MTHFSD: variants seen among roughly 807,000 people sequenced by gnomAD.
MTHFSD encodes the protein methenyltetrahydrofolate synthase domain-containing protein.
MTHFSD carries 37 observed loss-of-function variants against 31.1 expected under a neutral mutation model. The ratio of observed to expected loss-of-function variants is 1.19; its 90% CI spans 0.91 to 1.56. MTHFSD has a LOEUF of 1.56. MTHFSD is among the 40% of genes most tolerant of loss of function. MTHFSD has a pLI of 0.00. For missense variants in MTHFSD, 664 were observed against 510.1 expected (o/e 1.30, Z -2.91); for synonymous variants, 221 against 206.9 (o/e 1.07, Z -0.59).
At chr16:86,552,846 G>A (rs751796258) in intron 2 of MTHFSD, among the ~76,000 whole-genome samples, 1 of 152,318 alleles carries the variant, frequency 6.6e-6, no homozygotes, top group Middle Eastern at 3.4e-3. Flanking sequence ...TTGGGGAGAG[G>A]CAGTCCTGAC....
At chr16:86,535,932 C>T (rs1198720997) in intron 7 of MTHFSD, among the ~76,000 whole-genome samples, 1 of 152,174 alleles carries the variant, frequency 6.6e-6, no homozygotes, top group African/African-American at 2.4e-5. Context: ...CTCACTGCAG[C>T]CTTGAATACC....
intron 7 of MTHFSD, chr16:86,533,022 C>T (rs985477507): frequency 6.6e-6 from 1 of 152,266 alleles, no homozygotes; most frequent in Admixed American, 6.5e-5. Context: ...GGGGTCACCC[C>T]CTTCAATGCA....
rs370582414 is a variant in MTHFSD at position 86,532,313 on chromosome 16, C to T, written c.850G>A (p.Gly284Arg). The change falls in exon 8 of 8, where the codon GGA (glycine) becomes AGA (arginine). Residue 284 changes from glycine to arginine, a missense_variant. Physicochemically the swap from Gly to Arg is moderately radical, Grantham distance 125. Coordinates refer to ENST00000360900, the MANE Select transcript of MTHFSD (RefSeq NM_001159377.2). Reference sequence around the variant, plus strand: ...GCCTCCATGGAATTGGTTTCTGGTCCGGGTGTGTCCGGGGGCCTCCTGCCA... The same window carrying T: ...GCCTCCATGGAATTGGTTTCTGGTCTGGGTGTGTCCGGGGGCCTCCTGCCA... ...SVGRRPPDTP[G>R]PETNSMEAAP... 17 of 1,589,928 alleles carry T rather than the reference C, an allele frequency of 1.1e-5. No homozygotes were observed. In the African/African-American group the frequency reaches 1.8e-4, roughly 16 times the overall value.
chr16:86,541,756 T>C lies in MTHFSD; in HGVS notation c.622A>G (p.Thr208Ala), dbSNP rs781508487. The change falls in exon 7 of 8, where the codon ACC (threonine) becomes GCC (alanine). Residue 208 changes from threonine to alanine, a missense_variant. Thr to Ala is a moderately conservative substitution (Grantham distance 58). Coordinates refer to ENST00000360900, the MANE Select transcript of MTHFSD (RefSeq NM_001159377.2). The part of the protein sequence containing the change: ...DITVDYILTP[T>A]RVIATGCKRP... ...TTGCAGCCTGTGGCGATGACTCTGG[T>C]TGGAGTGAGGATGTAGTCCACAGTG... is the stretch of plus-strand genomic sequence containing the variant. The C allele has an allele frequency of 1.2e-6, 2 of 1,614,038 alleles. No individual in the cohort carries two copies. The highest frequency in any genetic ancestry group is 1.7e-6 in the Non-Finnish European group (2 of 1,180,044).
intron 5 of MTHFSD, among the ~76,000 whole-genome samples, chr16:86,544,439 C>T (rs531063260): frequency 3.3e-5 from 5 of 152,128 alleles, no homozygotes; most frequent in Non-Finnish European, 4.4e-5. Flanking sequence ...AGACACTCCT[C>T]GAAAGAAGAC....
chr16:86,548,359 T>G (rs1972634675), intron 4 of MTHFSD, 105 bp downstream of exon 4: 1 of 1,043,256 alleles, frequency 9.6e-7, no homozygotes, highest in Non-Finnish European at 1.5e-6. Context: ...TTTGGCTCTG[T>G]TAAAAATGAA....
At chr16:86,554,887 C>T in intron 1 of MTHFSD, 136 bp from the exon 2 acceptor site, 1 of 1,068,840 alleles carries the variant, frequency 9.4e-7, no homozygotes, top group Middle Eastern at 2.1e-4. Flanking sequence ...CTCAGTTTCC[C>T]CGACCTCAAG....
intron 7 of MTHFSD, among the ~76,000 whole-genome samples, chr16:86,534,133 A>G (rs1970350854): frequency 6.6e-6 from 1 of 152,276 alleles, no homozygotes; most frequent in Non-Finnish European, 1.5e-5. Context: ...TTGTTCAGAT[A>G]CAAAGGAAAA....
intron 4 of MTHFSD, chr16:86,548,129 A>C (rs1972597379): frequency 7.7e-7 from 1 of 1,300,202 alleles, no homozygotes; most frequent in South Asian, 1.2e-5. Context: ...ACAGGCCGGG[A>C]ATAAGAAAAA....
chr16:86,541,452 T>G, intron 7 of MTHFSD: 3 of 628,770 alleles, frequency 4.8e-6, no homozygotes, highest in Non-Finnish European at 8.0e-6. Flanking sequence ...TGTGGCCATT[T>G]CTGCCATCTA....
chr16:86,548,513 G>C lies in MTHFSD; in HGVS notation c.302C>G (p.Pro101Arg), dbSNP rs764012895. ...LRTGLFNKIT[P>R]PPGATKDILR... is the part of the protein sequence containing the mutation. Reference sequence around the variant, plus strand: ...GATGTCTTTAGTTGCCCCAGGGGGTGGTGTGATCTTATTAAACAATCCCGT... The same window carrying C: ...GATGTCTTTAGTTGCCCCAGGGGGTCGTGTGATCTTATTAAACAATCCCGT... The change falls in exon 4 of 8, where the codon CCA becomes CGA. Residue 101 changes from proline (P) to arginine (R), a missense_variant. By Grantham distance (103) the Pro-to-Arg change is moderately radical. Coordinates refer to ENST00000360900, the MANE Select transcript of MTHFSD (RefSeq NM_001159377.2). 1.5e-5 allele frequency: 25 copies of C among 1,613,830 alleles called. No homozygotes were observed. The South Asian group carries it at 2.7e-4, about 18-fold the overall frequency.
intron 7 of MTHFSD, among the ~76,000 whole-genome samples, chr16:86,539,463 G>A (rs545782046): frequency 9.9e-5 from 15 of 152,218 alleles, no homozygotes; most frequent in African/African-American, 1.4e-4. Flanking sequence ...CCCAAGCATC[G>A]TCCTGGGCAT....
intron 4 of MTHFSD, chr16:86,548,091 C>T (rs1489726525): frequency 1.5e-6 from 2 of 1,292,718 alleles, no homozygotes; most frequent in Non-Finnish European, 2.0e-6. Flanking sequence ...TATCCTGTCT[C>T]CCCAGTCGCT....
intron 7 of MTHFSD, among the ~76,000 whole-genome samples, chr16:86,540,005 T>C (rs1007754105): frequency 6.6e-6 from 1 of 152,230 alleles, no homozygotes; most frequent in African/African-American, 2.4e-5. Flanking sequence ...AACAATATTA[T>C]AACCTAGCAC....
Position 86,541,771 on chromosome 16 carries a change from A to G in MTHFSD, c.607T>C (p.Tyr203His). The G allele has an allele frequency of 6.2e-7, 1 of 1,614,196 alleles. No homozygotes were observed. The highest frequency in any genetic ancestry group is 2.2e-5 in the East Asian group (1 of 44,876). ...ATGACTCTGGTTGGAGTGAGGATGTAGTCCACAGTGATGTCGTGCTCCTCA... is the reference window on the plus strand; with the variant it reads ...ATGACTCTGGTTGGAGTGAGGATGTGGTCCACAGTGATGTCGTGCTCCTCA... The part of the protein sequence containing the change: ...LVEEHDITVD[Y>H]ILTPTRVIAT... The change falls in exon 7 of 8, where the codon TAC becomes CAC. Residue 203 changes from tyrosine to histidine, a missense_variant. Physicochemically the swap from Tyr to His is moderately conservative, Grantham distance 83 (BLOSUM62 2). Coordinates refer to ENST00000360900, the MANE Select transcript of MTHFSD (RefSeq NM_001159377.2).
chr16:86,548,394 T>C lies in MTHFSD; in HGVS notation c.351+70A>G, dbSNP rs1244349262. On this transcript the variant is annotated intron_variant, in intron 4 of 7. Coordinates refer to ENST00000360900, the MANE Select transcript of MTHFSD (RefSeq NM_001159377.2). ...ATTCCAACTGTGTGCTGCTATCTTA[T>C]GCTAAGTCGTCAGAAGCCTTCACAG... 4.9e-6 allele frequency: 6 copies of C among 1,212,922 alleles called. 1 individual carries two copies. The South Asian group carries it at 6.4e-5, about 13-fold the overall frequency. The allele number at this position is 1,212,922 out of a possible 1,614,324, so 75.1% of individuals were successfully genotyped here.
chr16:86,549,340 A>G (rs953866648), intron 3 of MTHFSD, among the ~76,000 whole-genome samples: 4 of 152,272 alleles, frequency 2.6e-5, no homozygotes, highest in Admixed American at 2.6e-4. Flanking sequence ...CAAGGCAATC[A>G]TAAGATCTGT....
rs1377791948 is a variant in MTHFSD at position 86,541,007 on chromosome 16, G to T, written c.681+690C>A. ...CAAAGGAGGGATTCAAACGGTGAATGATTTGGGATTAAAGAATGGGAGACG... is the reference window on the plus strand; with the variant it reads ...CAAAGGAGGGATTCAAACGGTGAATTATTTGGGATTAAAGAATGGGAGACG... On this transcript the variant is annotated intron_variant, in intron 7 of 7. Transcript: ENST00000360900. 3.4e-6 allele frequency: 4 copies of T among 1,175,514 alleles called. No homozygotes were observed. The Admixed American group carries it at 1.4e-4, about 41-fold the overall frequency. The allele number at this position is 1,175,514 out of a possible 1,614,324, so 72.8% of individuals were successfully genotyped here.
chr16:86,552,528 T>A (rs1340983243), intron 2 of MTHFSD, among the ~76,000 whole-genome samples: 1 of 152,120 alleles, frequency 6.6e-6, no homozygotes, highest in Non-Finnish European at 1.5e-5. Context: ...AAGGGCAAAA[T>A]TTGATGATTT....
Sources: allele counts gnomAD v4.1 joint callset (sites outside exome capture counted in the v4.1 genomes callset), GRCh38; gene constraint gnomAD v4.1.1; transcripts MANE v1.5; gene names NCBI Gene and HGNC (gene_info 2026-07-23, HGNC 2026-07-21).